E2F3: variants seen among roughly 807,000 people sequenced by gnomAD.
E2F3 encodes the protein transcription factor E2F3.
In E2F3, 11 loss-of-function variants were observed where a neutral mutation model predicts 44.4. The ratio of observed to expected loss-of-function variants is 0.25; its 90% CI spans 0.16 to 0.41. The LOEUF is 0.41. Among genes scored for constraint, E2F3 ranks in the 10% least tolerant of loss-of-function variants. E2F3 has a pLI of 1.00. For missense variants in E2F3, 487 were observed against 583.6 expected, an observed-to-expected ratio of 0.83 and a Z score of 1.70; for synonymous variants, 249 against 253.0, an observed-to-expected ratio of 0.98 and a Z score of 0.15.
intron 1 of E2F3, among the ~76,000 whole-genome samples, chr6:20,452,649 T>C (rs1761169321): frequency 6.6e-6 from 1 of 152,214 alleles, no homozygotes; most frequent in Admixed American, 6.5e-5. Flanking sequence ...CTTTTCAAGA[T>C]GTTTAAAGGC....
chr6:20,486,939 C>A, intron 5 of E2F3, 136 bp downstream of exon 5: 1 of 597,560 alleles, frequency 1.7e-6, no homozygotes, highest in East Asian at 2.9e-5. Flanking sequence ...TTTACTTAAC[C>A]ATACATTTGA....
chr6:20,408,893 T>C (rs749637692), intron 1 of E2F3, among the ~76,000 whole-genome samples: 2 of 152,204 alleles, frequency 1.3e-5, no homozygotes, highest in African/African-American at 2.4e-5. Flanking sequence ...ATATTCTAGG[T>C]TGGCATGGGC....
chr6:20,474,536 A>G (rs16883862), intron 1 of E2F3, among the ~76,000 whole-genome samples: 3,973 of 152,230 alleles, frequency 0.026, 106 homozygotes, highest in African/African-American at 0.061. Context: ...CTGTGCATAA[A>G]CAATGAATAC....
chr6:20,466,126 G>A (rs1761697389), intron 1 of E2F3, among the ~76,000 whole-genome samples: 1 of 151,886 alleles, frequency 6.6e-6, no homozygotes, highest in South Asian at 2.1e-4. Context: ...GCGGGGCGGG[G>A]GGTGTGGGCA....
chr6:20,456,930 C>A (rs1761325105), intron 1 of E2F3, among the ~76,000 whole-genome samples: 1 of 152,132 alleles, frequency 6.6e-6, no homozygotes, highest in Non-Finnish European at 1.5e-5. Flanking sequence ...CATTTGGGGT[C>A]ATTTATCAAG....
chr6:20,417,924 C>G (rs1352124635), intron 1 of E2F3, among the ~76,000 whole-genome samples: 3 of 152,184 alleles, frequency 2.0e-5, no homozygotes, highest in Admixed American at 1.3e-4. Context: ...ACAGCCAAAA[C>G]AAGTTCTGGT....
chr6:20,439,991 G>A (rs892009353), intron 1 of E2F3: 4 of 152,206 alleles, frequency 2.6e-5, no homozygotes, highest in African/African-American at 7.2e-5. Flanking sequence ...GATGGAGAAA[G>A]CAATGGCGCC....
At chr6:20,409,384 A>G (rs528908463) in intron 1 of E2F3, among the ~76,000 whole-genome samples, 5 of 152,374 alleles carry the variant, frequency 3.3e-5, no homozygotes, top group African/African-American at 1.2e-4. Context: ...GATTTATTTG[A>G]TATTCGCAAA....
intron 1 of E2F3, among the ~76,000 whole-genome samples, chr6:20,472,051 C>CAA (rs1405002486): frequency 7.3e-5 from 11 of 151,520 alleles, no homozygotes; most frequent in Non-Finnish European, 1.5e-4. Flanking sequence ...CACACACACA[C>CAA]ACACACACAC....
intron 1 of E2F3, among the ~76,000 whole-genome samples, chr6:20,411,498 CCTT>C (rs1759670740): frequency 6.6e-6 from 1 of 152,208 alleles, no homozygotes; most frequent in South Asian, 2.1e-4. Context: ...AGACTTGCCA[CCTT>C]CAGTGGCTGC....
chr6:20,472,575 G>A (rs1400337902), intron 1 of E2F3, among the ~76,000 whole-genome samples: 1 of 152,082 alleles, frequency 6.6e-6, no homozygotes, highest in South Asian at 2.1e-4. Flanking sequence ...GCTGAGGTGG[G>A]AGGCTTGCTT....
intron 1 of E2F3, among the ~76,000 whole-genome samples, chr6:20,464,596 C>A (rs561365732): frequency 1.3e-5 from 2 of 152,350 alleles, no homozygotes; most frequent in South Asian, 4.1e-4. Context: ...TCAGCTTCTG[C>A]TCTACGCCCT....
intron 1 of E2F3, among the ~76,000 whole-genome samples, chr6:20,447,180 C>T (rs1311503783): frequency 6.6e-6 from 1 of 152,144 alleles, no homozygotes; most frequent in Non-Finnish European, 1.5e-5. Flanking sequence ...TAGTGTCATA[C>T]TGAAGAAGAG....
At chr6:20,441,606 G>C (rs180866655) in intron 1 of E2F3, among the ~76,000 whole-genome samples, 2 of 151,862 alleles carry the variant, frequency 1.3e-5, no homozygotes, top group Non-Finnish European at 2.9e-5. Flanking sequence ...ATGGAATCTT[G>C]CTCTGTTGCC....
chr6:20,427,418 C>T (rs1001340725), intron 1 of E2F3, among the ~76,000 whole-genome samples: 11 of 152,124 alleles, frequency 7.2e-5, no homozygotes, highest in Admixed American at 2.6e-4. Context: ...GAAGAAGGGT[C>T]GGCCAGGGCA....
At chr6:20,424,875 A>G (rs900312982) in intron 1 of E2F3, among the ~76,000 whole-genome samples, 5 of 152,206 alleles carry the variant, frequency 3.3e-5, no homozygotes, top group Admixed American at 3.3e-4. Flanking sequence ...ATTTCTGGAC[A>G]TTGGCAGAAC....
At chr6:20,449,258 C>T (rs942641872) in intron 1 of E2F3, among the ~76,000 whole-genome samples, 1 of 152,184 alleles carries the variant, frequency 6.6e-6, no homozygotes, top group African/African-American at 2.4e-5. Context: ...TGTGCAGCCT[C>T]TTCCCATCTA....
At chr6:20,471,289 G>A (rs183442380) in intron 1 of E2F3, among the ~76,000 whole-genome samples, 1 of 152,232 alleles carries the variant, frequency 6.6e-6, no homozygotes, top group Non-Finnish European at 1.5e-5. Context: ...GGGCATTTAT[G>A]TTGCACATAT....
At chr6:20,434,472 A>G (rs1286892168) in intron 1 of E2F3, among the ~76,000 whole-genome samples, 1 of 152,246 alleles carries the variant, frequency 6.6e-6, no homozygotes, top group Admixed American at 6.5e-5. Flanking sequence ...TCAAGGTGTC[A>G]GAAGAAAAAT....
Sources: gnomAD v4.1 joint callset for allele counts (sites outside exome capture counted in the v4.1 genomes callset) on GRCh38, gnomAD v4.1.1 for gene constraint, MANE v1.5 for transcripts, NCBI Gene and HGNC (gene_info 2026-07-23, HGNC 2026-07-21) for gene names.